The following PPARGC1A variants were observed in gnomAD, a reference collection of about 807,000 sequenced individuals.
The protein encoded by PPARGC1A is peroxisome proliferator-activated receptor gamma coactivator 1-alpha.
In PPARGC1A, 25 loss-of-function variants were observed where a neutral mutation model predicts 88.7. The observed-to-expected ratio is 0.28, with a 90% CI of 0.21 to 0.39. PPARGC1A has a LOEUF of 0.39. Among genes scored for constraint, PPARGC1A ranks in the 10% least tolerant of loss-of-function variants. The pLI is 1.00. For synonymous variants in PPARGC1A, 363 were observed against 355.6 expected, an observed-to-expected ratio of 1.02 and a Z score of -0.24; for missense variants, 880 against 968.7, an observed-to-expected ratio of 0.91 and a Z score of 1.22.
At chr4:24,241,245 AC>A in the PPARGC1A span, among the ~76,000 whole-genome samples, 1 of 152,132 alleles carries the variant, frequency 6.6e-6, no homozygotes, top group African/African-American at 2.4e-5. Flanking sequence ...AGCAAAACAA[AC>A]AAACAAAAAG....
chr4:23,928,093 G>A, the PPARGC1A span, among the ~76,000 whole-genome samples: 5 of 152,104 alleles, frequency 3.3e-5, no homozygotes, highest in East Asian at 1.9e-4. Context: ...CATCCCAGCC[G>A]AATATCAACC....
At chr4:24,042,400 A>G in the PPARGC1A span, among the ~76,000 whole-genome samples, 1 of 152,226 alleles carries the variant, frequency 6.6e-6, no homozygotes, top group Admixed American at 6.5e-5. Flanking sequence ...CTTTCTATAG[A>G]TGAAAGAAAG....
chr4:23,915,052 A>G, the PPARGC1A span, among the ~76,000 whole-genome samples: 3 of 152,224 alleles, frequency 2.0e-5, no homozygotes, highest in African/African-American at 7.2e-5. Context: ...AGGAAGTTCC[A>G]TAAAACTTAA....
the PPARGC1A span, among the ~76,000 whole-genome samples, chr4:24,121,531 G>A: frequency 3.3e-5 from 5 of 152,096 alleles, no homozygotes; most frequent in East Asian, 3.9e-4. Flanking sequence ...AGAGACCTCC[G>A]CCATACCCTC....
chr4:23,856,066 CAA>C (rs1273874449), intron 2 of PPARGC1A, among the ~76,000 whole-genome samples: 2 of 152,096 alleles, frequency 1.3e-5, no homozygotes, highest in Non-Finnish European at 2.9e-5. Context: ...CCACCATGGA[CAA>C]AAAGTGACAT....
chr4:24,418,796 C>A, the PPARGC1A span, among the ~76,000 whole-genome samples: 6 of 152,336 alleles, frequency 3.9e-5, no homozygotes, highest in Non-Finnish European at 8.8e-5. Flanking sequence ...ACCCTCCACA[C>A]ATTTCTTTTC....
At chr4:24,236,140 GT>G in the PPARGC1A span, among the ~76,000 whole-genome samples, 1 of 152,196 alleles carries the variant, frequency 6.6e-6, no homozygotes, top group Non-Finnish European at 1.5e-5. Context: ...TCAGCCAACA[GT>G]TTTGAAACTT....
the PPARGC1A span, among the ~76,000 whole-genome samples, chr4:23,915,799 G>C: frequency 1.3e-5 from 2 of 152,280 alleles, no homozygotes; most frequent in Non-Finnish European, 2.9e-5. Flanking sequence ...ACAATAGCCT[G>C]ACAATTCATG....
At chr4:24,194,203 C>T in the PPARGC1A span, among the ~76,000 whole-genome samples, 12 of 151,446 alleles carry the variant, frequency 7.9e-5, no homozygotes, top group African/African-American at 2.7e-4. Flanking sequence ...GAGGAAGCAA[C>T]TCTCCAGTAG....
chr4:24,362,315 G>T, the PPARGC1A span, among the ~76,000 whole-genome samples: 1 of 152,006 alleles, frequency 6.6e-6, no homozygotes, highest in East Asian at 1.9e-4. Context: ...ATTTCTGAAA[G>T]CAGGCAATCA....
intron 2 of PPARGC1A, among the ~76,000 whole-genome samples, chr4:23,840,299 G>A (rs974675051): frequency 4.6e-5 from 7 of 151,980 alleles, no homozygotes; most frequent in African/African-American, 1.7e-4. Flanking sequence ...AATGTATGGT[G>A]GCCCTACACT....
intron 2 of PPARGC1A, among the ~76,000 whole-genome samples, chr4:23,834,219 G>A (rs1349591786): frequency 2.0e-5 from 3 of 152,180 alleles, no homozygotes; most frequent in African/African-American, 7.2e-5. Flanking sequence ...AGAATGGTGT[G>A]AACCCGGGGG....
At chr4:24,037,020 A>G in the PPARGC1A span, among the ~76,000 whole-genome samples, 3 of 152,204 alleles carry the variant, frequency 2.0e-5, no homozygotes, top group Admixed American at 2.0e-4. Context: ...ATGTGTTATG[A>G]TGATACAAAC....
chr4:24,261,768 C>T, the PPARGC1A span, among the ~76,000 whole-genome samples: 1 of 151,036 alleles, frequency 6.6e-6, no homozygotes, highest in East Asian at 1.9e-4. Context: ...TATTAAAGGG[C>T]CCCTTCTTAC....
the PPARGC1A span, among the ~76,000 whole-genome samples, chr4:24,455,532 T>C: frequency 1.3e-5 from 2 of 152,316 alleles, no homozygotes; most frequent in East Asian, 1.9e-4. Context: ...AGGGGATGAA[T>C]TGGAAACAAT....
chr4:24,023,985 G>A, the PPARGC1A span, among the ~76,000 whole-genome samples: 1 of 152,178 alleles, frequency 6.6e-6, no homozygotes, highest in Non-Finnish European at 1.5e-5. Flanking sequence ...TGCAGATTTT[G>A]TCCTGGGCTG....
chr4:23,889,043 C>A (rs1024690936), intron 1 of PPARGC1A: 2 of 985,280 alleles, frequency 2.0e-6, no homozygotes, highest in Non-Finnish European at 2.4e-6. Context: ...CTCCGTCCCC[C>A]CACTAGACTC....
At chr4:24,454,349 T>A in the PPARGC1A span, among the ~76,000 whole-genome samples, 4 of 152,072 alleles carry the variant, frequency 2.6e-5, no homozygotes, top group Non-Finnish European at 5.9e-5. Context: ...GGGGTAGTTT[T>A]TGGTACACTG....
At chr4:24,139,842 A>T in the PPARGC1A span, among the ~76,000 whole-genome samples, 1 of 152,312 alleles carries the variant, frequency 6.6e-6, no homozygotes, top group South Asian at 2.1e-4. Flanking sequence ...GAGTGCACCA[A>T]AAAGGAGGTC....
Sources: gnomAD v4.1 joint callset for allele counts (sites outside exome capture counted in the v4.1 genomes callset) on GRCh38, gnomAD v4.1.1 for gene constraint, MANE v1.5 for transcripts, NCBI Gene and HGNC (gene_info 2026-07-23, HGNC 2026-07-21) for gene names.